Variants in ADAMTS13 observed in about 807,000 individuals in gnomAD.
The protein encoded by ADAMTS13 is ADAM metallopeptidase with thrombospondin type 1 motif 13, also known as A disintegrin and metalloproteinase with thrombospondin motifs 13.
In ADAMTS13, 110 loss-of-function variants were observed where a neutral mutation model predicts 155.1. The observed-to-expected ratio is 0.71, with a 90% CI of 0.61 to 0.83. The LOEUF is 0.83. Ranked by LOEUF, ADAMTS13 falls within the 40% of genes least tolerant of loss-of-function variation. ADAMTS13 has a pLI of 0.00. For synonymous variants in ADAMTS13, 758 were observed against 756.4 expected (o/e 1.00, Z -0.03); for missense variants, 1,707 against 1,891.7 (o/e 0.90, Z 1.81).
chr9:133,428,427 TG>T (rs1189860330), intron 6 of ADAMTS13, among the ~76,000 whole-genome samples: 1 of 152,186 alleles, frequency 6.6e-6, no homozygotes, highest in Non-Finnish European at 1.5e-5. Context: ...CGCTCCCTTC[TG>T]GGGGAAACTG....
chr9:133,414,782 G>T (rs374718488), intron 1 of ADAMTS13: 1 of 1,614,116 alleles, frequency 6.2e-7, no homozygotes. Context: ...ATTGTGCTCT[G>T]TTCCACTGGC....
rs1841337931 is a variant in ADAMTS13 at position 133,437,664 on chromosome 9, A to T, written c.1436-85A>T. ...GGGAAGATAGAAACCCTTGCCCCAG[A>T]TGCAAAGGATGAAGCTGGGTGGGGG... On this transcript the variant is annotated intron_variant, in intron 12 of 28. Transcript: ENST00000355699. 4.6e-6 allele frequency: 7 copies of T among 1,533,626 alleles called. No homozygotes were observed. In the Admixed American group the frequency reaches 8.5e-5, roughly 19 times the overall value.
rs782383410 is a variant in ADAMTS13, at chr9:133,455,318, C to T, written c.3283C>T (p.Arg1095Trp). Residue 1095 changes from arginine to tryptophan, a missense_variant, in exon 25 of 29, where the codon CGG (arginine) becomes TGG (tryptophan). Arg to Trp is a moderately radical substitution (Grantham distance 101, BLOSUM62 -3). Around this residue, in one of 3 missense-constraint regions of ADAMTS13, gnomAD observed 961 missense variants for 1,107.9 expected, o/e 0.87. Transcript: ENST00000355699. ...TTCCTGTGGGGATGGCATCCAGCGC[C>T]GGCGTGACACCTGCCTCGGACCCCA... The part of the protein sequence containing the change: ...SVSCGDGIQR[R>W]RDTCLGPQAQ... 4.4e-6 allele frequency: 7 copies of T among 1,606,014 alleles called. No individual in the cohort carries two copies. The highest frequency in any genetic ancestry group is 2.2e-5 in the East Asian group (1 of 44,892).
Position 133,422,534 on chromosome 9 carries a change from T to G in ADAMTS13, c.91T>G (p.Ser31Ala). ...CTTTCTCCTGGGCTGCTGGGGACCC[T>G]CCCATTTCCAGCAGGTGGGCTCATT... ...CGFLLGCWGPSHFQQSCLQAL... is the reference protein window; with the variant it reads ...CGFLLGCWGPAHFQQSCLQAL... Residue 31 changes from serine to alanine, a missense_variant, in exon 1 of 29, where the codon TCC (serine) becomes GCC (alanine). Physicochemically the swap from Ser to Ala is moderately conservative, Grantham distance 99 (BLOSUM62 1). Transcript: ENST00000355699. 6.2e-7 allele frequency: 1 copy of G among 1,614,064 alleles called. No individual in the cohort carries two copies. The highest frequency in any genetic ancestry group is 2.2e-5 in the East Asian group (1 of 44,876).
At position 133,442,316 on chromosome 9, in the gene ADAMTS13, T is replaced by C. The variant is rs1248360374; in HGVS notation, c.1969-83T>C. 8 of 1,603,368 alleles carry C rather than the reference T, an allele frequency of 5.0e-6. No individual in the cohort carries two copies. The East Asian group carries it at 6.7e-5, about 13-fold the overall frequency. ...AAGATTATAGGGATGCAAGAAGAAG[T>C]TGGAAGGCTTCCCAGGGGAGGTGGC... is the stretch of plus-strand genomic sequence containing the variant. On this transcript the variant is annotated intron_variant, in intron 16 of 28. Transcript: ENST00000355699.
rs782504609 is a variant in ADAMTS13, at chr9:133,438,372, C to T, written c.1705+6C>T. On this transcript the variant is annotated splice_donor_region_variant and intron_variant, in intron 14 of 28. Transcript: ENST00000355699. The stretch of plus-strand genomic sequence containing the variant: ...CACAGCTGGCAGAGCGAGAGGTAGG[C>T]GGCCTCCCTCGGGGCAGAGGCTGGG... 4.1e-5 allele frequency: 66 copies of T among 1,613,436 alleles called. No homozygotes were observed. The highest frequency in any genetic ancestry group is 1.6e-5 in the Non-Finnish European group (19 of 1,179,944).
Position 133,442,434 on chromosome 9 carries a change from C to T in ADAMTS13, c.2004C>T (p.Leu668=). The change falls in exon 17 of 29, where the codon CTC becomes CTT. Residue 668 remains leucine (L), a synonymous_variant. Transcript: ENST00000355699. ...YRRYGEEYGN[L]TRPDITFTYF... ...GGTATGGCGAGGAGTATGGCAACCT[C>T]ACCCGCCCAGACATCACCTTCACCT... 6.2e-7 allele frequency: 1 copy of T among 1,613,914 alleles called. No individual in the cohort carries two copies. Among genetic ancestry groups the T allele is most frequent in the Non-Finnish European group, 8.5e-7 (1 of 1,180,026 alleles).
Position 133,445,844 on chromosome 9 carries a change from G to C in ADAMTS13, c.2731+25G>C. 1 of 1,555,588 alleles carries C rather than the reference G, an allele frequency of 6.4e-7. No individual in the cohort carries two copies. Among genetic ancestry groups the C allele is most frequent in the African/African-American group, 1.4e-5 (1 of 73,780 alleles). ...GGTGAGGGCCCCCGGGATGCTCCTG[G>C]GGACCAGCACTCATGGTAACTCTCC... On this transcript the variant is annotated intron_variant, in intron 21 of 28. Coordinates refer to ENST00000355699, the MANE Select transcript of ADAMTS13 (RefSeq NM_139027.6). This position sits in a 1 kb window ranked among gnomAD's most constrained non-coding sequence, Gnocchi z 5.0.
At chr9:133,451,721 T>A (rs1554794384) in intron 23 of ADAMTS13, among the ~76,000 whole-genome samples, 1 of 151,908 alleles carries the variant, frequency 6.6e-6, no homozygotes, top group African/African-American at 2.4e-5. Flanking sequence ...CAAAACCTTG[T>A]CTCTACTATA....
At position 133,441,051 on chromosome 9, in the gene ADAMTS13, G is replaced by A. The variant is rs1021680261; in HGVS notation, c.1968+526G>A. Among the ~76,000 whole-genome samples, 4 of 152,168 alleles carry A rather than the reference G, an allele frequency of 2.6e-5. No homozygotes were observed. Among genetic ancestry groups the A allele is most frequent in the African/African-American group, 4.8e-5 (2 of 41,434 alleles). ...GATGCTGGCTCTCACTGCTTCTTTG[G>A]TGCAGTGTGTGTGGGAACCGGAAGG... On this transcript the variant is annotated intron_variant, in intron 16 of 28. Transcript: ENST00000355699. This position sits in a 1 kb window ranked among gnomAD's most constrained non-coding sequence, Gnocchi z 5.0.
At chr9:133,451,530 T>C (rs1554794345) in intron 23 of ADAMTS13, among the ~76,000 whole-genome samples, 1 of 152,232 alleles carries the variant, frequency 6.6e-6, no homozygotes, top group African/African-American at 2.4e-5. Flanking sequence ...AGTGCTGGGA[T>C]TACAGATGTG....
At position 133,447,864 on chromosome 9, in the gene ADAMTS13, G is replaced by C. The variant is rs587620852; in HGVS notation, c.2732-735G>C. 2.7e-3 allele frequency among the ~76,000 whole-genome samples: 415 copies of C among 152,258 alleles called. 1 individual carries two copies. Among genetic ancestry groups the C allele is most frequent in the Non-Finnish European group, 4.7e-3 (323 of 68,022 alleles). On this transcript the variant is annotated intron_variant, in intron 21 of 28. Coordinates refer to ENST00000355699, the MANE Select transcript of ADAMTS13 (RefSeq NM_139027.6). ...CCGCCTTGGCCTCCCAAAGTGCTGG[G>C]ATTACAGGCATGAGCCACTGAGCCT...
rs925233142 is a variant in ADAMTS13, at chr9:133,430,115, C to G, written c.987+14C>G. On this transcript the variant is annotated intron_variant, in intron 8 of 28. Transcript: ENST00000355699. ...AGGGAGCACCTGGTGAGTCTGCCGG[C>G]GGTGGCCTGGGATTGGCTGTGAGGT... 5 of 1,569,216 alleles carry G rather than the reference C, an allele frequency of 3.2e-6. 1 individual carries two copies. The African/African-American group carries it at 6.7e-5, about 21-fold the overall frequency.
Position 133,424,308 on chromosome 9 carries a change from T to G in ADAMTS13, c.173-13T>G, listed in dbSNP as rs1370401971. ...TAGAACCATCGCCCTCTGCTCTCCCTCTCCCCCTCCAGGCCGCCCTCCTTC... is the reference window on the plus strand; with the variant it reads ...TAGAACCATCGCCCTCTGCTCTCCCGCTCCCCCTCCAGGCCGCCCTCCTTC... On this transcript the variant is annotated splice_polypyrimidine_tract_variant and intron_variant, in intron 2 of 28. Transcript: ENST00000355699. This position sits in a 1 kb window ranked among gnomAD's most constrained non-coding sequence, Gnocchi z 4.3. 2.7e-5 allele frequency: 44 copies of G among 1,611,032 alleles called. No individual in the cohort carries two copies. The highest frequency in any genetic ancestry group is 3.4e-5 in the Non-Finnish European group (40 of 1,179,848).
At position 133,425,477 on chromosome 9, in the gene ADAMTS13, G is replaced by A; in HGVS notation, c.331-52G>A. ...GCCCCTGGGAGTCAGCAGCTGCCTGGGGCTGGCAATGCCCACCCGACGGGT... is the reference window on the plus strand; with the variant it reads ...GCCCCTGGGAGTCAGCAGCTGCCTGAGGCTGGCAATGCCCACCCGACGGGT... On this transcript the variant is annotated intron_variant, in intron 3 of 28. Coordinates refer to ENST00000355699, the MANE Select transcript of ADAMTS13 (RefSeq NM_139027.6). The surrounding 1 kb of genome is among the most constrained non-coding windows in gnomAD (Gnocchi z 4.6). 6.5e-7 allele frequency: 1 copy of A among 1,547,740 alleles called. No homozygotes were observed. The highest frequency in any genetic ancestry group is 1.4e-5 in the African/African-American group (1 of 73,608).
chr9:133,450,565 CAAAA>C (rs924514326), intron 23 of ADAMTS13, among the ~76,000 whole-genome samples: 1 of 74,822 alleles, frequency 1.3e-5, no homozygotes. Context: ...AACTCCATCT[CAAAA>C]AAAAAAAAAA....
chr9:133,437,066 G>C (rs1056420223), intron 12 of ADAMTS13, 111 bp downstream of exon 12: 8 of 1,399,646 alleles, frequency 5.7e-6, no homozygotes, highest in African/African-American at 1.4e-5. Context: ...GGGCAAAGTG[G>C]TTCAGGCTCT....
At chr9:133,458,580 A>G (rs1842894163) in intron 28 of ADAMTS13, among the ~76,000 whole-genome samples, 1 of 151,370 alleles carries the variant, frequency 6.6e-6, no homozygotes, top group Admixed American at 6.6e-5. Flanking sequence ...AAAAAAAGCG[A>G]AATGGTAAAG....
At chr9:133,458,915 T>A in intron 28 of ADAMTS13, 59 bp from the exon 29 acceptor site, 1 of 1,495,314 alleles carries the variant, frequency 6.7e-7, no homozygotes, top group Non-Finnish European at 9.2e-7. Context: ...CACGAAGGCT[T>A]CCGTGAGTGC....
Sources: gnomAD v4.1 joint callset for allele counts (sites outside exome capture counted in the v4.1 genomes callset) on GRCh38, gnomAD v4.1.1 for gene constraint, gnomAD v4.1.1 regional missense constraint, Gnocchi (gnomAD v3.1) non-coding constraint, MANE v1.5 for transcripts, NCBI Gene and HGNC (gene_info 2026-07-23, HGNC 2026-07-21) for gene names.